Variants in CD58 observed in about 807,000 individuals in gnomAD.
CD58 encodes CD58 molecule.
Under a neutral mutation model 27.6 loss-of-function variants are expected in CD58, and 14 were observed. That is an observed-to-expected ratio of 0.51 (90% CI 0.34 to 0.79). CD58 has a LOEUF of 0.79. CD58 is among the 30% of genes least tolerant of loss of function. The pLI is 0.02. For synonymous variants in CD58, 117 were observed against 103.8 expected (o/e 1.13, Z -0.77); for missense variants, 268 against 301.7 (o/e 0.89, Z 0.83).
chr1:116,535,052 C>CAAG (rs1268033435), intron 3 of CD58, among the ~76,000 whole-genome samples: 16 of 152,106 alleles, frequency 1.1e-4, no homozygotes, highest in Admixed American at 3.9e-4. Flanking sequence ...AGTCACTGAC[C>CAAG]TTTTTGTTTG....
intron 1 of CD58, among the ~76,000 whole-genome samples, chr1:116,561,078 C>A (rs908724425): frequency 3.9e-5 from 6 of 152,182 alleles, no homozygotes; most frequent in Admixed American, 1.3e-4. Context: ...CTGATTTATG[C>A]AAAGTTTCTA....
At chr1:116,556,903 G>A (rs1658586445) in intron 1 of CD58, among the ~76,000 whole-genome samples, 1 of 152,192 alleles carries the variant, frequency 6.6e-6, no homozygotes, top group South Asian at 2.1e-4. Flanking sequence ...TGTGGAAACA[G>A]AGGCCCACCA....
At chr1:116,567,218 G>A (rs1281204598) in intron 1 of CD58, among the ~76,000 whole-genome samples, 1 of 134,304 alleles carries the variant, frequency 7.4e-6, no homozygotes, top group African/African-American at 2.8e-5. Flanking sequence ...GACAGGAAGG[G>A]AGGGGGAGGG....
intron 1 of CD58, among the ~76,000 whole-genome samples, chr1:116,554,162 C>T (rs563441689): frequency 1.8e-4 from 27 of 152,144 alleles, no homozygotes; most frequent in African/African-American, 6.5e-4. Context: ...AATAGTATAA[C>T]CTACATAAAG....
At chr1:116,533,278 G>C (rs1479062502) in intron 3 of CD58, 1 of 1,297,928 alleles carries the variant, frequency 7.7e-7, no homozygotes, top group South Asian at 1.2e-5. Flanking sequence ...GGACCCTTAC[G>C]CTTCTGCTTT....
chr1:116,536,329 G>T lies in CD58; in HGVS notation c.365-101C>A. ...TCGCAACCTCCTTACAAGCTTGAAAGGATGAGCAGACAAACTCCTTGAGCA... is the reference window on the plus strand; with the variant it reads ...TCGCAACCTCCTTACAAGCTTGAAATGATGAGCAGACAAACTCCTTGAGCA... On this transcript the variant is annotated intron_variant, in intron 2 of 5. Transcript: ENST00000369489. The surrounding 1 kb of genome is among the most constrained non-coding windows in gnomAD (Gnocchi z 5.4). The T allele has an allele frequency of 1.2e-6, 1 of 822,142 alleles. No individual in the cohort carries two copies. 50.9% of individuals were successfully genotyped at this position (822,142 alleles called of 1,614,324 possible). A position where few individuals can be genotyped will look rare whatever the true frequency, so the allele number is the denominator to read the frequency against.
intron 1 of CD58, among the ~76,000 whole-genome samples, chr1:116,548,572 T>C (rs1178828110): frequency 6.6e-6 from 1 of 152,222 alleles, no homozygotes; most frequent in African/African-American, 2.4e-5. Flanking sequence ...GAATACAACA[T>C]GCAATGCATA....
At chr1:116,514,884 A>T (rs1304606778) in intron 5 of CD58, 62 bp from the exon 6 acceptor site, 3 of 1,163,812 alleles carry the variant, frequency 2.6e-6, no homozygotes, top group Non-Finnish European at 3.8e-6. Context: ...GCAGACCAGG[A>T]GTCTTAATTA....
In CD58 at chr1:116,544,413, C is replaced by G. The variant is rs369159196; in HGVS notation, c.262G>C (p.Gly88Arg). The change falls in exon 2 of 6, where the codon GGT (glycine) becomes CGT (arginine). Residue 88 changes from glycine (G) to arginine (R), a missense_variant. Coordinates refer to ENST00000369489, the MANE Select transcript of CD58 (RefSeq NM_001779.3). ...GTTAAGTTGTAGATAGTGAGGCTAC[C>G]TGACACAGTGTCTAAATAAACCCTA... ...KNRVYLDTVS[G>R]SLTIYNLTSS... 10 of 1,613,336 alleles carry G rather than the reference C, an allele frequency of 6.2e-6. No individual in the cohort carries two copies. The highest frequency in any genetic ancestry group is 6.8e-6 in the Non-Finnish European group (8 of 1,179,518).
chr1:116,521,457 T>C lies in CD58; in HGVS notation c.706+449A>G, dbSNP rs182382541. The stretch of plus-strand genomic sequence containing the variant: ...TAGGGGACTGAGAAGGCTCAGGAAG[T>C]AATACAAGCACAATTACTTGTATTA... On this transcript the variant is annotated intron_variant, in intron 4 of 5. Transcript: ENST00000369489. The surrounding 1 kb of genome is among the most constrained non-coding windows in gnomAD (Gnocchi z 5.6). 1.3e-5 allele frequency among the ~76,000 whole-genome samples: 2 copies of C among 152,200 alleles called. No individual in the cohort carries two copies. The highest frequency in any genetic ancestry group is 3.9e-4 in the East Asian group (2 of 5,194).
intron 2 of CD58, among the ~76,000 whole-genome samples, chr1:116,539,143 A>C (rs1340960199): frequency 6.6e-6 from 1 of 152,264 alleles, no homozygotes; most frequent in Non-Finnish European, 1.5e-5. Flanking sequence ...ATTAACATGT[A>C]GTGCCTGCAC....
rs753087323 is a variant in CD58, at chr1:116,570,967, A to T, written c.6T>A (p.Val2=). 7.1e-6 allele frequency: 11 copies of T among 1,558,652 alleles called. No homozygotes were observed. Among genetic ancestry groups the T allele is most frequent in the Non-Finnish European group, 9.5e-6 (11 of 1,159,260 alleles). M[V]AGSDAGRALG... is the part of the protein sequence containing the mutation. ...GGGCCCGCCCCGCGTCGCTCCCAGC[A>T]ACCATGGCTCGTCGGGCCGGCCTCT... is the stretch of plus-strand genomic sequence containing the variant. The change falls in exon 1 of 6, where the codon GTT becomes GTA. Residue 2 remains valine (V), a synonymous_variant. Transcript: ENST00000369489. The surrounding 1 kb of genome is among the most constrained non-coding windows in gnomAD (Gnocchi z 6.4).
rs2101163276 is a variant in CD58 at position 116,527,740 on chromosome 1, G to A, written c.629-5757C>T. Among the ~76,000 whole-genome samples, 1 of 152,322 alleles carries A rather than the reference G, an allele frequency of 6.6e-6. No homozygotes were observed. The highest frequency in any genetic ancestry group is 2.4e-5 in the African/African-American group (1 of 41,580). ...CTTCTATCTTCTAAAAGAGATTATA[G>A]AGAATTAGTATTTCTTCCTTAAATA... On this transcript the variant is annotated intron_variant, in intron 3 of 5. Transcript: ENST00000369489. This position sits in a 1 kb window ranked among gnomAD's most constrained non-coding sequence, Gnocchi z 4.4.
intron 1 of CD58, among the ~76,000 whole-genome samples, chr1:116,555,022 T>G (rs1571084821): frequency 6.6e-6 from 1 of 152,016 alleles, no homozygotes; most frequent in Non-Finnish European, 1.5e-5. Flanking sequence ...TCACAAACCA[T>G]GGATGAACGA....
chr1:116,543,489 G>A (rs1471879486), intron 2 of CD58, among the ~76,000 whole-genome samples: 1 of 151,440 alleles, frequency 6.6e-6, no homozygotes, highest in Non-Finnish European at 1.5e-5. Context: ...AATGAGGCAG[G>A]CCTTAAAATG....
intron 1 of CD58, among the ~76,000 whole-genome samples, chr1:116,553,575 C>T (rs1367854760): frequency 6.6e-6 from 1 of 151,940 alleles, no homozygotes; most frequent in African/African-American, 2.4e-5. Context: ...GTGTCTTTCC[C>T]TAAGAAAGGA....
chr1:116,536,455 C>T lies in CD58; in HGVS notation c.365-227G>A, dbSNP rs1657812536. On this transcript the variant is annotated intron_variant, in intron 2 of 5. Coordinates refer to ENST00000369489, the MANE Select transcript of CD58 (RefSeq NM_001779.3). This position sits in a 1 kb window ranked among gnomAD's most constrained non-coding sequence, Gnocchi z 5.4. ...ATATGGTTTGGCTCTGGGTCCTCAC[C>T]CAAATCTCATCTTGAATTGTAATTC... Among the ~76,000 whole-genome samples, 1 of 152,028 alleles carries T rather than the reference C, an allele frequency of 6.6e-6. No homozygotes were observed. Among genetic ancestry groups the T allele is most frequent in the Admixed American group, 6.6e-5 (1 of 15,254 alleles).
chr1:116,544,386 A>T lies in CD58; in HGVS notation c.289T>A (p.Ser97Thr), dbSNP rs1658085683. ...SGSLTIYNLT[S>T]SDEDEYEMES... is the part of the protein sequence containing the mutation. ...ATTTCATACTCATCTTCATCTGATG[A>T]TGTTAAGTTGTAGATAGTGAGGCTA... Residue 97 changes from serine (S) to threonine (T), a missense_variant, in exon 2 of 6, where the codon TCA becomes ACA. Physicochemically the swap from Ser to Thr is moderately conservative, Grantham distance 58. Transcript: ENST00000369489. 2 of 1,612,430 alleles carry T rather than the reference A, an allele frequency of 1.2e-6. No individual in the cohort carries two copies. The highest frequency in any genetic ancestry group is 1.7e-6 in the Non-Finnish European group (2 of 1,178,914).
intron 2 of CD58, among the ~76,000 whole-genome samples, chr1:116,542,136 G>A (rs1658007546): frequency 6.6e-6 from 1 of 152,170 alleles, no homozygotes; most frequent in Non-Finnish European, 1.5e-5. Context: ...AAATTAGCCA[G>A]GCATGGTGGT....
Sources: allele counts gnomAD v4.1 joint callset (sites outside exome capture counted in the v4.1 genomes callset), GRCh38; gene constraint gnomAD v4.1.1; non-coding constraint Gnocchi (gnomAD v3.1); transcripts MANE v1.5; gene names NCBI Gene and HGNC (gene_info 2026-07-23, HGNC 2026-07-21).